Variants in NEDD9 observed in about 807,000 individuals in gnomAD.
NEDD9 encodes enhancer of filamentation 1.
Under a neutral mutation model 76.6 loss-of-function variants are expected in NEDD9, and 26 were observed. That is an observed-to-expected ratio of 0.34 (90% CI 0.25 to 0.47). The LOEUF (loss-of-function observed/expected upper bound fraction) is 0.47. Ranked by LOEUF, NEDD9 falls within the 20% of genes least tolerant of loss-of-function variation. NEDD9 has a pLI of 1.00. For missense variants in NEDD9, 937 were observed against 1,058.5 expected (o/e 0.89, Z 1.59); for synonymous variants, 392 against 414.2 (o/e 0.95, Z 0.65).
intron 3 of NEDD9, among the ~76,000 whole-genome samples, chr6:11,295,127 C>T (rs1760861281): frequency 6.6e-6 from 1 of 151,968 alleles, no homozygotes; most frequent in Admixed American, 6.6e-5. Flanking sequence ...ATTACCCAGT[C>T]TTGGGTAGGT....
chr6:11,260,096 C>T (rs113807791), intron 3 of NEDD9, among the ~76,000 whole-genome samples: 14 of 152,148 alleles, frequency 9.2e-5, no homozygotes, highest in East Asian at 7.7e-4. Context: ...ACCCAAAAAA[C>T]GGAAATTAAA....
In NEDD9 at chr6:11,370,895, G is replaced by T. The variant is rs1213767794; in HGVS notation, c.-214+11244C>A. Among the ~76,000 whole-genome samples the T allele has an allele frequency of 1.3e-5, 2 of 152,166 alleles. No individual in the cohort carries two copies. The highest frequency in any genetic ancestry group is 2.9e-5 in the Non-Finnish European group (2 of 68,028). ...GGTGACAACGGGGAGGGTGACAGAG[G>T]TGACCCCGTGGCCATTTTGCATGGC... On this transcript the variant is annotated intron_variant, in intron 1 of 3. Coordinates refer to the NEDD9 transcript ENST00000397378. The surrounding 1 kb of genome is among the most constrained non-coding windows in gnomAD (Gnocchi z 4.2).
At chr6:11,288,144 C>T (rs1760689140) in intron 3 of NEDD9, among the ~76,000 whole-genome samples, 1 of 152,162 alleles carries the variant, frequency 6.6e-6, no homozygotes, top group Admixed American at 6.5e-5. Context: ...TTATATGTGG[C>T]TCAGTCAAAA....
chr6:11,221,360 G>T (rs1416599848), intron 1 of NEDD9, among the ~76,000 whole-genome samples: 2 of 149,564 alleles, frequency 1.3e-5, no homozygotes, highest in African/African-American at 4.9e-5. Context: ...TCCAGCCTGG[G>T]TGACAGAGCG....
chr6:11,332,691 G>A (rs1319799412), intron 2 of NEDD9, among the ~76,000 whole-genome samples: 2 of 152,164 alleles, frequency 1.3e-5, no homozygotes, highest in African/African-American at 4.8e-5. Flanking sequence ...CCAGAAGCTG[G>A]GTGAGTGTGC....
At chr6:11,294,142 G>T (rs1288161514) in intron 3 of NEDD9, among the ~76,000 whole-genome samples, 2 of 152,172 alleles carry the variant, frequency 1.3e-5, no homozygotes, top group Non-Finnish European at 2.9e-5. Flanking sequence ...GAACATGGAG[G>T]TGCATAGAAC....
At chr6:11,367,797 C>T (rs1762794907) in intron 1 of NEDD9, among the ~76,000 whole-genome samples, 1 of 152,200 alleles carries the variant, frequency 6.6e-6, no homozygotes, top group East Asian at 1.9e-4. Context: ...AATGGCATCC[C>T]TTTGAACCAA....
intron 3 of NEDD9, among the ~76,000 whole-genome samples, chr6:11,300,954 T>C (rs1419413861): frequency 1.3e-5 from 2 of 152,130 alleles, no homozygotes; most frequent in African/African-American, 4.8e-5. Flanking sequence ...AGAAACTGCA[T>C]CAATTAACAG....
At chr6:11,249,154 C>T (rs1561805892) in intron 3 of NEDD9, 3 of 456,018 alleles carry the variant, frequency 6.6e-6, no homozygotes, top group African/African-American at 2.0e-5. Context: ...AACCAATGGA[C>T]TTTGAGTAAA....
chr6:11,340,415 T>A (rs1762249577), intron 1 of NEDD9, among the ~76,000 whole-genome samples: 1 of 152,166 alleles, frequency 6.6e-6, no homozygotes, highest in Non-Finnish European at 1.5e-5. Flanking sequence ...GCACCAGGTA[T>A]AATTTAGAGA....
chr6:11,325,884 G>A (rs761251945), intron 2 of NEDD9, among the ~76,000 whole-genome samples: 12 of 152,242 alleles, frequency 7.9e-5, no homozygotes, highest in Non-Finnish European at 1.5e-4. Context: ...GAGGCTCAAC[G>A]CCTGTAATCC....
At chr6:11,293,762 G>A (rs1276529529) in intron 3 of NEDD9, among the ~76,000 whole-genome samples, 1 of 152,160 alleles carries the variant, frequency 6.6e-6, no homozygotes, top group Non-Finnish European at 1.5e-5. Flanking sequence ...AACTGAAAAT[G>A]TGTACTCTTT....
intron 3 of NEDD9, among the ~76,000 whole-genome samples, chr6:11,272,379 A>C (rs1760327100): frequency 6.6e-6 from 1 of 152,244 alleles, no homozygotes; most frequent in Non-Finnish European, 1.5e-5. Context: ...CTTTTTAAAA[A>C]ATTCAAACAA....
intron 4 of NEDD9, among the ~76,000 whole-genome samples, chr6:11,191,738 C>T (rs1316641935): frequency 6.6e-6 from 1 of 152,118 alleles, no homozygotes; most frequent in African/African-American, 2.4e-5. Context: ...AGGCCAGGCG[C>T]GGCTCAGCCT....
rs534007598 is a variant in NEDD9 at position 11,237,970 on chromosome 6, C to T, written c.13-24243G>A. Among the ~76,000 whole-genome samples, 1 of 152,162 alleles carries T rather than the reference C, an allele frequency of 6.6e-6. No homozygotes were observed. The highest frequency in any genetic ancestry group is 2.4e-5 in the African/African-American group (1 of 41,456). The stretch of plus-strand genomic sequence containing the variant: ...CTAGTTTGACATTAGTTTTTAAAAA[C>T]AATCTACATATACCAAGCTTATTTC... On this transcript the variant is annotated intron_variant, in intron 3 of 3. Coordinates refer to the NEDD9 transcript ENST00000397378. This position sits in a 1 kb window ranked among gnomAD's most constrained non-coding sequence, Gnocchi z 4.9.
chr6:11,198,308 ATCT>A lies in NEDD9; in HGVS notation c.460-4619_460-4617del, dbSNP rs1003279374. On this transcript the variant is annotated intron_variant, in intron 2 of 6. Transcript: ENST00000379446. The surrounding 1 kb of genome is among the most constrained non-coding windows in gnomAD (Gnocchi z 4.7). ...ATTTTTGCCCTCCTTCCTCTTGGAAATCTTCTGAAGGCAGGGCCCCCAGGCTCT... is the reference window on the plus strand; with the variant it reads ...ATTTTTGCCCTCCTTCCTCTTGGAAATCTGAAGGCAGGGCCCCCAGGCTCT... 1.3e-5 allele frequency: 2 copies of A among 152,050 alleles called. No individual in the cohort carries two copies. Among genetic ancestry groups the A allele is most frequent in the African/African-American group, 4.8e-5 (2 of 41,378 alleles). The allele number at this position is 152,050 out of a possible 1,614,324, so 9.4% of individuals were successfully genotyped here.
rs116002029 is a variant in NEDD9 at position 11,252,198 on chromosome 6, A to G, written c.13-38471T>C. Among the ~76,000 whole-genome samples, 1,495 of 152,300 alleles carry G rather than the reference A, an allele frequency of 9.8e-3. 14 individuals carry two copies. Among genetic ancestry groups the G allele is most frequent in the South Asian group, 0.018 (87 of 4,828 alleles). ...TCCTGGGGCTCTTAGCTATGCCAGCAGAGCCCTCTGGAGAGCTGACTGGTA... is the reference window on the plus strand; with the variant it reads ...TCCTGGGGCTCTTAGCTATGCCAGCGGAGCCCTCTGGAGAGCTGACTGGTA... On this transcript the variant is annotated intron_variant, in intron 3 of 3. Transcript: ENST00000397378. The surrounding 1 kb of genome is among the most constrained non-coding windows in gnomAD (Gnocchi z 4.3).
At chr6:11,211,526 C>T (rs1162818480) in intron 2 of NEDD9, among the ~76,000 whole-genome samples, 3 of 152,190 alleles carry the variant, frequency 2.0e-5, no homozygotes, top group Non-Finnish European at 4.4e-5. Context: ...ACAACCAGGA[C>T]TAAGAATGAG....
At chr6:11,325,186 C>G (rs1037679090) in intron 2 of NEDD9, among the ~76,000 whole-genome samples, 1 of 152,034 alleles carries the variant, frequency 6.6e-6, no homozygotes. Flanking sequence ...AAAACCCTGT[C>G]TCTACTAAAA....
Sources: gnomAD v4.1 joint callset for allele counts (sites outside exome capture counted in the v4.1 genomes callset) on GRCh38, gnomAD v4.1.1 for gene constraint, Gnocchi (gnomAD v3.1) non-coding constraint, MANE v1.5 for transcripts, NCBI Gene and HGNC (gene_info 2026-07-23, HGNC 2026-07-21) for gene names.